DOCK7: variants seen among roughly 807,000 people sequenced by gnomAD.
The protein encoded by DOCK7 is dedicator of cytokinesis 7.
Under a neutral mutation model 271.0 loss-of-function variants are expected in DOCK7, and 138 were observed. That is an observed-to-expected ratio of 0.51 (90% CI 0.44 to 0.59). The LOEUF (loss-of-function observed/expected upper bound fraction) is 0.59, where lower values mean the gene tolerates loss of function less well. Among genes scored for constraint, DOCK7 ranks in the 20% least tolerant of loss-of-function variants. The pLI is 0.00. For synonymous variants in DOCK7, 823 were observed against 876.1 expected (o/e 0.94, Z 1.07); for missense variants, 2,066 against 2,592.4 (o/e 0.80, Z 4.41).
intron 1 of DOCK7, among the ~76,000 whole-genome samples, chr1:62,671,000 C>T (rs1479438178): frequency 1.3e-5 from 2 of 152,012 alleles, no homozygotes; most frequent in East Asian, 1.9e-4. Flanking sequence ...AGCGAGACCA[C>T]GAGCCCACCG....
intron 20 of DOCK7, 43 bp from the exon 21 acceptor site, chr1:62,556,032 T>C: frequency 6.3e-7 from 1 of 1,592,274 alleles, no homozygotes; most frequent in East Asian, 2.2e-5. Context: ...TTAACTTTTT[T>C]TAGACTGTAA....
At chr1:62,516,367 C>A (rs1425807982) in intron 31 of DOCK7, among the ~76,000 whole-genome samples, 5 of 152,158 alleles carry the variant, frequency 3.3e-5, no homozygotes, top group Admixed American at 3.3e-4. Flanking sequence ...CATAATTAAG[C>A]CCTACAAAAA....
At position 62,672,266 on chromosome 1, in the gene DOCK7, T is replaced by C. The variant is rs541854649; in HGVS notation, c.39-9136A>G. ...AATCATTTCTTGATACCTTACATTATACAATATATATTAGAAATCTTTCCA... is the reference window on the plus strand; with the variant it reads ...AATCATTTCTTGATACCTTACATTACACAATATATATTAGAAATCTTTCCA... On this transcript the variant is annotated intron_variant, in intron 1 of 49. Coordinates refer to ENST00000635253, the MANE Select transcript of DOCK7 (RefSeq NM_001367561.1). Among the ~76,000 whole-genome samples the C allele has an allele frequency of 6.6e-5, 10 of 152,296 alleles. No individual in the cohort carries two copies. The South Asian group carries it at 2.1e-3, about 32-fold the overall frequency.
At chr1:62,462,047 G>T (rs79295666) in intron 48 of DOCK7, among the ~76,000 whole-genome samples, 5,633 of 149,728 alleles carry the variant, frequency 0.038, 254 homozygotes, top group African/African-American at 0.11. Context: ...CTCCAGCCTG[G>T]GCAACAAGAA....
At chr1:62,639,924 T>G (rs540202810) in intron 7 of DOCK7, among the ~76,000 whole-genome samples, 1 of 151,036 alleles carries the variant, frequency 6.6e-6, no homozygotes, top group Non-Finnish European at 1.5e-5. Context: ...AGTATATTCC[T>G]CATGGATTCA....
At chr1:62,670,070 G>A (rs181376253) in intron 1 of DOCK7, among the ~76,000 whole-genome samples, 1,550 of 152,372 alleles carry the variant, frequency 0.01, 25 homozygotes, top group African/African-American at 0.036. Flanking sequence ...TCCCCCAGCA[G>A]TGCCGGCCCA....
chr1:62,654,452 A>C (rs1050361263), intron 2 of DOCK7, among the ~76,000 whole-genome samples: 1 of 152,222 alleles, frequency 6.6e-6, no homozygotes, highest in African/African-American at 2.4e-5. Flanking sequence ...TATAGTTTAC[A>C]AAGTACTCAC....
At position 62,499,282 on chromosome 1, in the gene DOCK7, T is replaced by C. The variant is rs1419373475; in HGVS notation, c.4765-2785A>G. Among the ~76,000 whole-genome samples, 5 of 152,304 alleles carry C rather than the reference T, an allele frequency of 3.3e-5. No individual in the cohort carries two copies. In the South Asian group the frequency reaches 8.3e-4, roughly 25 times the overall value. ...ATAAAGTAACCATATTCTTCTATTC[T>C]GGGTTAAGACAGAAGACTTCCCTTC... On this transcript the variant is annotated intron_variant, in intron 37 of 49. Coordinates refer to ENST00000635253, the MANE Select transcript of DOCK7 (RefSeq NM_001367561.1).
intron 43 of DOCK7, chr1:62,486,963 T>C (rs1646312747): frequency 6.5e-6 from 1 of 152,718 alleles, no homozygotes; most frequent in African/African-American, 2.4e-5. Context: ...AAAATACTAG[T>C]ATGTTTTGTA....
chr1:62,533,340 T>C (rs1456755103), intron 29 of DOCK7, among the ~76,000 whole-genome samples: 1 of 152,156 alleles, frequency 6.6e-6, no homozygotes, highest in East Asian at 1.9e-4. Context: ...AAAATACAGA[T>C]TCAAATGAGT....
At chr1:62,510,697 AT>A in intron 33 of DOCK7, 24 bp from the exon 34 acceptor site, 1 of 1,574,000 alleles carries the variant, frequency 6.4e-7, no homozygotes, top group Non-Finnish European at 8.7e-7. Flanking sequence ...TTCAAAACCA[AT>A]TTTCAAATGT....
intron 4 of DOCK7, 87 bp downstream of exon 4, chr1:62,653,638 A>G: frequency 1.2e-6 from 1 of 820,934 alleles, no homozygotes; most frequent in Non-Finnish European, 2.0e-6. Flanking sequence ...ATAAATTTTC[A>G]GGTCTCATAA....
rs1396938599 is a variant in DOCK7 at position 62,677,921 on chromosome 1, A to G, written c.38+10306T>C. Among the ~76,000 whole-genome samples, 3 of 6,844 alleles carry G rather than the reference A, an allele frequency of 4.4e-4. No individual in the cohort carries two copies. The Non-Finnish European group carries it at 5.4e-3, about 12-fold the overall frequency. 4.5% of individuals were successfully genotyped at this position (6,844 alleles called of 152,430 possible). ...CAAGGTGGGAGGATCGCTTGAGGCCAGGAGTTCTCCAGCCTGGGCAACATA... is the reference window on the plus strand; with the variant it reads ...CAAGGTGGGAGGATCGCTTGAGGCCGGGAGTTCTCCAGCCTGGGCAACATA... On this transcript the variant is annotated intron_variant, in intron 1 of 49. Coordinates refer to ENST00000635253, the MANE Select transcript of DOCK7 (RefSeq NM_001367561.1).
intron 48 of DOCK7, among the ~76,000 whole-genome samples, chr1:62,461,877 G>A (rs549910127): frequency 1.7e-4 from 26 of 151,156 alleles, no homozygotes; most frequent in African/African-American, 6.3e-4. Flanking sequence ...TTCGAGACCA[G>A]CCTGACCAAG....
intron 4 of DOCK7, among the ~76,000 whole-genome samples, chr1:62,651,959 G>A (rs1003590549): frequency 3.3e-5 from 5 of 152,150 alleles, no homozygotes; most frequent in Non-Finnish European, 4.4e-5. Context: ...GGCAGATCAC[G>A]CCACCAAGCA....
Position 62,556,440 on chromosome 1 carries a change from T to C in DOCK7, c.2432-451A>G, listed in dbSNP as rs184318078. Among the ~76,000 whole-genome samples the C allele has an allele frequency of 7.7e-4, 117 of 151,376 alleles. No homozygotes were observed. The South Asian group carries it at 0.011, about 14-fold the overall frequency. On this transcript the variant is annotated intron_variant, in intron 20 of 49. Transcript: ENST00000635253. ...AAAATATCAATAATAAAAGAGATTA[T>C]TGAAAATAATAACAGTATAATAAGA...
At chr1:62,630,823 A>C (rs1310223385) in intron 11 of DOCK7, among the ~76,000 whole-genome samples, 2 of 152,202 alleles carry the variant, frequency 1.3e-5, no homozygotes, top group Non-Finnish European at 2.9e-5. Context: ...AAGGCAAAAA[A>C]AAAGAAAAAA....
rs149542958 is a variant in DOCK7 at position 62,639,563 on chromosome 1, T to C, written c.819-2960A>G. ...CATTCTCCTGCCTCAGCCTCCCGAG[T>C]AGCTGGGATTACAGGCGCATGCCAC... On this transcript the variant is annotated intron_variant, in intron 7 of 49. Transcript: ENST00000635253. Among the ~76,000 whole-genome samples, 732 of 149,684 alleles carry C rather than the reference T, an allele frequency of 4.9e-3. 8 individuals are homozygous for C. The highest frequency in any genetic ancestry group is 0.017 in the African/African-American group (707 of 40,486).
chr1:62,458,636 G>C (rs1456447335), intron 48 of DOCK7: 1 of 151,362 alleles, frequency 6.6e-6, no homozygotes, highest in Non-Finnish European at 1.5e-5. Context: ...AGGTTCAAGC[G>C]ATTCTCCTAC....
Sources: allele counts gnomAD v4.1 joint callset (sites outside exome capture counted in the v4.1 genomes callset), GRCh38; gene constraint gnomAD v4.1.1; transcripts MANE v1.5; gene names NCBI Gene and HGNC (gene_info 2026-07-23, HGNC 2026-07-21).